Variants in HHAT observed in about 807,000 individuals in gnomAD.
HHAT encodes hedgehog acyltransferase.
In HHAT, 47 loss-of-function variants were observed where a neutral mutation model predicts 70.8. That is an observed-to-expected ratio of 0.66 (90% confidence interval 0.53 to 0.85). The LOEUF is 0.85. HHAT is among the 40% of genes least tolerant of loss of function. The probability of loss-of-function intolerance (pLI) is 0.00; values close to 1 mark genes in which losing one functional copy is unlikely to be tolerated. For synonymous variants in HHAT, 228 were observed against 247.6 expected, an observed-to-expected ratio of 0.92 and a Z score of 0.74; for missense variants, 609 against 604.8, an observed-to-expected ratio of 1.01 and a Z score of -0.07.
At chr1:210,614,366 TTCTC>T (rs1667228022) in intron 10 of HHAT, among the ~76,000 whole-genome samples, 1 of 152,098 alleles carries the variant, frequency 6.6e-6, no homozygotes, top group Admixed American at 6.5e-5. Context: ...ACTTCTTTCT[TTCTC>T]ATTTGGATGC....
chr1:210,481,800 CAATG>C (rs1186111584), intron 8 of HHAT, among the ~76,000 whole-genome samples: 2 of 152,176 alleles, frequency 1.3e-5, no homozygotes, highest in Admixed American at 6.5e-5. Context: ...GATTGAGTGT[CAATG>C]AATGATCAGC....
At chr1:210,348,840 G>A in intron 1 of HHAT, 93 bp from the exon 2 acceptor site, 1 of 1,264,286 alleles carries the variant, frequency 7.9e-7, no homozygotes, top group Non-Finnish European at 1.1e-6. Context: ...GAATAGTGAT[G>A]GGTCTCCGGG....
chr1:210,394,706 G>C (rs900635460), intron 4 of HHAT, among the ~76,000 whole-genome samples: 1 of 152,176 alleles, frequency 6.6e-6, no homozygotes, highest in African/African-American at 2.4e-5. Flanking sequence ...AAAGGGCTGA[G>C]AAGCCTGACC....
At chr1:210,464,090 T>C (rs894458191) in intron 7 of HHAT, among the ~76,000 whole-genome samples, 2 of 152,244 alleles carry the variant, frequency 1.3e-5, no homozygotes, top group Admixed American at 6.5e-5. Flanking sequence ...AAAATGTGTA[T>C]TTAATTATTG....
intron 7 of HHAT, among the ~76,000 whole-genome samples, chr1:210,459,193 T>C (rs2093929504): frequency 6.6e-6 from 1 of 152,166 alleles, no homozygotes; most frequent in African/African-American, 2.4e-5. Context: ...ATGTTCTTGA[T>C]ACTGGGAATA....
chr1:210,590,980 T>C (rs1476016477), intron 10 of HHAT, among the ~76,000 whole-genome samples: 1 of 152,170 alleles, frequency 6.6e-6, no homozygotes, highest in East Asian at 1.9e-4. Context: ...ACATGAGATA[T>C]TTTGATACAG....
At chr1:210,591,383 A>G (rs1000847476) in intron 10 of HHAT, among the ~76,000 whole-genome samples, 7 of 152,174 alleles carry the variant, frequency 4.6e-5, no homozygotes, top group Non-Finnish European at 7.4e-5. Context: ...ATAGGCCCTC[A>G]TCCTTTTTTA....
intron 3 of HHAT, among the ~76,000 whole-genome samples, chr1:210,371,556 C>T (rs1363258630): frequency 1.3e-5 from 2 of 152,184 alleles, no homozygotes; most frequent in East Asian, 3.9e-4. Context: ...GCAAGCCTCT[C>T]TGGGAAGGGG....
At chr1:210,670,717 G>T (rs1018086338) in intron 11 of HHAT, among the ~76,000 whole-genome samples, 1 of 152,156 alleles carries the variant, frequency 6.6e-6, no homozygotes, top group African/African-American at 2.4e-5. Context: ...AGGAAGGTGT[G>T]TGCTTTAAAA....
In HHAT at chr1:210,414,657, C is replaced by CGT. The variant is rs1185129527; in HGVS notation, c.685-3497_685-3496insGT. ...AGAGGGGTCTTGAGTACATTTGCCTCTCTAACAGAGAGGGCCCAAATATTC... is the reference window on the plus strand; with the variant it reads ...AGAGGGGTCTTGAGTACATTTGCCTCGTTCTAACAGAGAGGGCCCAAATATTC... On this transcript the variant is annotated intron_variant, in intron 6 of 11. Coordinates refer to ENST00000261458, the MANE Select transcript of HHAT (RefSeq NM_018194.6). Among the ~76,000 whole-genome samples the CGT allele has an allele frequency of 1.0e-3, 152 of 152,308 alleles. 2 individuals carry two copies. Among genetic ancestry groups the CGT allele is most frequent in the East Asian group, 8.9e-3 (46 of 5,184 alleles).
chr1:210,554,170 T>TCAGCA (rs2095552531), intron 9 of HHAT, among the ~76,000 whole-genome samples: 1 of 152,138 alleles, frequency 6.6e-6, no homozygotes. Context: ...GTTAATGATT[T>TCAGCA]TAGCATGAGG....
chr1:210,452,403 G>A lies in HHAT; in HGVS notation c.857-12102G>A, dbSNP rs2093773616. On this transcript the variant is annotated intron_variant, in intron 7 of 11. Transcript: ENST00000261458. Reference sequence around the variant, plus strand: ...TCCCCTTTTAGAATATTGCATTCTGGAAAATTAAAAGCATAAATGTAGAAT... The same window carrying A: ...TCCCCTTTTAGAATATTGCATTCTGAAAAATTAAAAGCATAAATGTAGAAT... 2.6e-5 allele frequency among the ~76,000 whole-genome samples: 4 copies of A among 152,126 alleles called. 1 individual carries two copies. In the South Asian group the frequency reaches 8.3e-4, roughly 31 times the overall value.
At chr1:210,540,462 C>T (rs1401234505) in intron 9 of HHAT, among the ~76,000 whole-genome samples, 1 of 136,502 alleles carries the variant, frequency 7.3e-6, no homozygotes, top group Non-Finnish European at 1.7e-5. Flanking sequence ...CACACACACA[C>T]ACACACACGC....
chr1:210,672,129 A>G (rs1314055873), intron 11 of HHAT, among the ~76,000 whole-genome samples: 1 of 152,180 alleles, frequency 6.6e-6, no homozygotes, highest in Non-Finnish European at 1.5e-5. Flanking sequence ...CTAGTTTTTC[A>G]TTTGAGATTC....
chr1:210,357,768 C>G (rs1047882094), intron 2 of HHAT, among the ~76,000 whole-genome samples: 3 of 152,084 alleles, frequency 2.0e-5, no homozygotes, highest in Non-Finnish European at 4.4e-5. Context: ...TGCGGTGAGC[C>G]GAGTTCGCAC....
At chr1:210,563,423 T>C (rs1392435983) in intron 9 of HHAT, among the ~76,000 whole-genome samples, 1 of 151,672 alleles carries the variant, frequency 6.6e-6, no homozygotes, top group Non-Finnish European at 1.5e-5. Flanking sequence ...GAAATCAGAG[T>C]AGAGTGGGGT....
intron 7 of HHAT, among the ~76,000 whole-genome samples, chr1:210,431,277 T>C (rs2093234779): frequency 6.6e-6 from 1 of 151,878 alleles, no homozygotes; most frequent in African/African-American, 2.4e-5. Context: ...TAACCTCCTA[T>C]GTGTATGGGC....
intron 11 of HHAT, among the ~76,000 whole-genome samples, chr1:210,654,356 A>T (rs1675932707): frequency 6.6e-6 from 1 of 152,138 alleles, no homozygotes. Context: ...TCTAGAACCC[A>T]CACCATGAAT....
chr1:210,343,876 C>T (rs986390625), intron 1 of HHAT, among the ~76,000 whole-genome samples: 4 of 152,148 alleles, frequency 2.6e-5, no homozygotes, highest in African/African-American at 9.7e-5. Flanking sequence ...TAGGTAGGCT[C>T]CTGATGAGTG....
Sources: allele counts gnomAD v4.1 joint callset (sites outside exome capture counted in the v4.1 genomes callset), GRCh38; gene constraint gnomAD v4.1.1; transcripts MANE v1.5; gene names NCBI Gene and HGNC (gene_info 2026-07-23, HGNC 2026-07-21).